Variants in PIGB observed in about 807,000 individuals in gnomAD.
PIGB encodes the protein phosphatidylinositol glycan anchor biosynthesis class B, also known as GPI alpha-1,2-mannosyltransferase 3.
Under a neutral mutation model 68.4 loss-of-function variants are expected in PIGB, and 58 were observed. The ratio of observed to expected loss-of-function variants is 0.85; its 90% CI spans 0.69 to 1.06. PIGB has a LOEUF of 1.06. Among genes scored for constraint, PIGB ranks in the 50% least tolerant of loss-of-function variants. PIGB has a pLI of 0.00. For synonymous variants in PIGB, 219 were observed against 220.5 expected (o/e 0.99, Z 0.06); for missense variants, 634 against 655.8 (o/e 0.97, Z 0.36).
intron 3 of PIGB, among the ~76,000 whole-genome samples, chr15:55,327,259 A>G (rs1264272856): frequency 5.2e-5 from 7 of 134,634 alleles, no homozygotes; most frequent in African/African-American, 1.1e-4. Context: ...TATATATAAC[A>G]TATGTGTATA....
rs187070265 is a variant in PIGB at position 55,354,892 on chromosome 15, C to G, written c.1432C>G (p.Leu478Val). 5.6e-4 allele frequency: 900 copies of G among 1,613,430 alleles called. No homozygotes were observed. Among genetic ancestry groups the G allele is most frequent in the Admixed American group, 2.3e-3 (138 of 59,948 alleles). The change falls in exon 11 of 12, where the codon CTA becomes GTA. Residue 478 changes from leucine to valine, a missense_variant. Coordinates refer to ENST00000164305, the MANE Select transcript of PIGB (RefSeq NM_004855.5). ...HYLDEADVFY[L>V]NPLNWLHREF... is the part of the protein sequence containing the mutation. ...TCTTGATGAAGCAGATGTATTTTAC[C>G]TAAATCCCTTAAACTGGTTACATAG...
At chr15:55,330,497 T>G (rs7183960) in intron 5 of PIGB, among the ~76,000 whole-genome samples, 1 of 151,912 alleles carries the variant, frequency 6.6e-6, no homozygotes, top group Non-Finnish European at 1.5e-5. Context: ...AGTGAAGGCA[T>G]AGAACTGTAA....
At chr15:55,328,993 T>C (rs1231177427) in intron 4 of PIGB, among the ~76,000 whole-genome samples, 1 of 152,156 alleles carries the variant, frequency 6.6e-6, no homozygotes, top group Non-Finnish European at 1.5e-5. Flanking sequence ...GTTCTTCTAG[T>C]TTAGGGAAAA....
intron 6 of PIGB, 45 bp downstream of exon 6, chr15:55,334,052 A>G: frequency 7.1e-7 from 1 of 1,400,926 alleles, no homozygotes. Flanking sequence ...TAGCCTACAA[A>G]TCACAGATTA....
intron 3 of PIGB, among the ~76,000 whole-genome samples, chr15:55,326,734 G>A (rs1260067440): frequency 6.6e-6 from 1 of 152,108 alleles, no homozygotes; most frequent in African/African-American, 2.4e-5. Context: ...GGGCGTGGGA[G>A]GCTGAGGCAG....
intron 3 of PIGB, among the ~76,000 whole-genome samples, chr15:55,321,676 G>A (rs539271088): frequency 5.2e-5 from 7 of 133,854 alleles, no homozygotes; most frequent in South Asian, 2.4e-4. Flanking sequence ...TTTTTGGGAC[G>A]GAGTTTGCTC....
intron 10 of PIGB, among the ~76,000 whole-genome samples, 197 bp downstream of exon 10, chr15:55,351,109 T>C (rs934473029): frequency 1.1e-4 from 16 of 139,354 alleles, no homozygotes; most frequent in Admixed American, 8.9e-4. Flanking sequence ...AAACTTTTTT[T>C]CTTTTTTTTT....
chr15:55,339,433 G>A, intron 7 of PIGB, 115 bp downstream of exon 7: 1 of 660,834 alleles, frequency 1.5e-6, no homozygotes, highest in Non-Finnish European at 2.6e-6. Flanking sequence ...AGACTTCTAG[G>A]CATATCCTAA....
Position 55,350,689 on chromosome 15 carries a change from C to T in PIGB, c.1124-10C>T, listed in dbSNP as rs2055901626. On this transcript the variant is annotated splice_polypyrimidine_tract_variant and intron_variant, in intron 9 of 11. Coordinates refer to ENST00000164305, the MANE Select transcript of PIGB (RefSeq NM_004855.5). The stretch of plus-strand genomic sequence containing the variant: ...CAGTGTTAAGGTTCAATATGTCTAT[C>T]TTCATATAGGATACTCATTAACCCA... 6.4e-7 allele frequency: 1 copy of T among 1,561,678 alleles called. No individual in the cohort carries two copies. The highest frequency in any genetic ancestry group is 2.2e-5 in the East Asian group (1 of 44,568).
At chr15:55,351,422 C>T (rs2055919886) in intron 10 of PIGB, among the ~76,000 whole-genome samples, 1 of 151,870 alleles carries the variant, frequency 6.6e-6, no homozygotes, top group South Asian at 2.1e-4. Context: ...CTTTATTATT[C>T]TTTAAAAACA....
chr15:55,335,057 TGTTGCAATTG>T (rs1055781293), intron 6 of PIGB, among the ~76,000 whole-genome samples: 1 of 152,218 alleles, frequency 6.6e-6, no homozygotes, highest in Non-Finnish European at 1.5e-5. Context: ...CATAGCATTG[TGTTGCAATTG>T]CTTACAATAT....
rs191860992 is a variant in PIGB at position 55,354,787 on chromosome 15, T to C, written c.1338-11T>C. On this transcript the variant is annotated splice_polypyrimidine_tract_variant and intron_variant, in intron 10 of 11. Coordinates refer to ENST00000164305, the MANE Select transcript of PIGB (RefSeq NM_004855.5). ...TACTTGTATTTATTATGGTAACTTT[T>C]CTTTTCATAGCCATGTTCACTGCCC... 4.8e-4 allele frequency: 761 copies of C among 1,580,190 alleles called. 3 individuals are homozygous for C. In the African/African-American group the frequency reaches 8.9e-3, roughly 18 times the overall value.
Position 55,350,747 on chromosome 15 carries a change from T to A in PIGB, c.1172T>A (p.Phe391Tyr). ...LKTWKKPALS[F>Y]LFLSNLFLAL... is the part of the protein sequence containing the mutation. ...ACATGGAAGAAACCAGCTCTAAGTT[T>A]CCTGTTTTTATCAAATTTGTTCCTC... The change falls in exon 10 of 12, where the codon TTC becomes TAC. Residue 391 changes from phenylalanine to tyrosine, a missense_variant. Coordinates refer to ENST00000164305, the MANE Select transcript of PIGB (RefSeq NM_004855.5). The A allele has an allele frequency of 6.2e-7, 1 of 1,613,722 alleles. No individual in the cohort carries two copies. Among genetic ancestry groups the A allele is most frequent in the Non-Finnish European group, 8.5e-7 (1 of 1,179,722 alleles).
intron 6 of PIGB, among the ~76,000 whole-genome samples, chr15:55,335,352 T>C (rs145619135): frequency 1.2e-3 from 188 of 152,344 alleles, no homozygotes; most frequent in African/African-American, 4.4e-3. Context: ...ACTGTTGTCA[T>C]TTCTCAGATG....
At chr15:55,343,667 T>C (rs1413348337) in intron 9 of PIGB, 1 of 152,180 alleles carries the variant, frequency 6.6e-6, no homozygotes, top group Non-Finnish European at 1.5e-5. Flanking sequence ...AAAATGCTGA[T>C]GAGGGGTAAA....
Position 55,354,944 on chromosome 15 carries a change from C to A in PIGB, c.1484C>A (p.Pro495His). Reference sequence around the variant, plus strand: ...GAGTTTCATGATGATGCATCATTGCCTACTCACTTGATCACCTTCAGCATT... The same window carrying A: ...GAGTTTCATGATGATGCATCATTGCATACTCACTTGATCACCTTCAGCATT... ...HREFHDDASL[P>H]THLITFSILE... Residue 495 changes from proline to histidine, a missense_variant, in exon 11 of 12, where the codon CCT becomes CAT. Transcript: ENST00000164305. 6.2e-7 allele frequency: 1 copy of A among 1,612,482 alleles called. No homozygotes were observed. The highest frequency in any genetic ancestry group is 8.5e-7 in the Non-Finnish European group (1 of 1,179,034).
At chr15:55,344,223 C>T (rs762275516) in intron 9 of PIGB, among the ~76,000 whole-genome samples, 4 of 152,252 alleles carry the variant, frequency 2.6e-5, no homozygotes, top group Non-Finnish European at 4.4e-5. Flanking sequence ...ACTGAGCTCA[C>T]TTACACAGCT....
At chr15:55,352,244 C>T (rs965372430) in intron 10 of PIGB, among the ~76,000 whole-genome samples, 10 of 152,196 alleles carry the variant, frequency 6.6e-5, no homozygotes, top group African/African-American at 1.4e-4. Flanking sequence ...CCACCGCACC[C>T]GGCCTTAAAC....
chr15:55,327,420 A>G, intron 3 of PIGB, 111 bp from the exon 4 acceptor site: 2 of 656,146 alleles, frequency 3.0e-6, no homozygotes, highest in Non-Finnish European at 5.2e-6. Flanking sequence ...CTATTTTTGT[A>G]CTAAGAATGG....
Sources: gnomAD v4.1 joint callset for allele counts (sites outside exome capture counted in the v4.1 genomes callset) on GRCh38, gnomAD v4.1.1 for gene constraint, MANE v1.5 for transcripts, NCBI Gene and HGNC (gene_info 2026-07-23, HGNC 2026-07-21) for gene names.